The following DENND1B variants were observed in gnomAD, a reference collection of about 807,000 sequenced individuals.
DENND1B encodes DENN domain containing 1B.
Under a neutral mutation model 90.1 loss-of-function variants are expected in DENND1B, and 59 were observed. The ratio of observed to expected loss-of-function variants is 0.65; its 90% confidence interval spans 0.53 to 0.81. The LOEUF (loss-of-function observed/expected upper bound fraction) is 0.81. Among genes scored for constraint, DENND1B ranks in the 40% least tolerant of loss-of-function variants. The pLI, the probability that DENND1B is intolerant of heterozygous loss-of-function variation, is 0.00. For missense variants in DENND1B, 862 were observed against 912.6 expected, an observed-to-expected ratio of 0.94 and a Z score of 0.71; for synonymous variants, 337 against 324.6, an observed-to-expected ratio of 1.04 and a Z score of -0.41.
chr1:197,556,444 TAA>T (rs1342970533), intron 15 of DENND1B, among the ~76,000 whole-genome samples: 1 of 152,040 alleles, frequency 6.6e-6, no homozygotes, highest in Non-Finnish European at 1.5e-5. Context: ...AAAACTGTGG[TAA>T]GACAGGTTTA....
chr1:197,513,545 T>G (rs2125595980), intron 20 of DENND1B, among the ~76,000 whole-genome samples: 1 of 151,678 alleles, frequency 6.6e-6, no homozygotes, highest in South Asian at 2.1e-4. Context: ...TTTGAATCAT[T>G]AAGTTTTTGA....
intron 20 of DENND1B, among the ~76,000 whole-genome samples, chr1:197,538,135 C>T (rs1670052986): frequency 6.6e-6 from 1 of 152,032 alleles, no homozygotes; most frequent in South Asian, 2.1e-4. Context: ...TGTTTTTTTA[C>T]ATCTTAAAGT....
At chr1:197,551,481 C>T (rs574639309) in intron 16 of DENND1B, among the ~76,000 whole-genome samples, 3 of 152,100 alleles carry the variant, frequency 2.0e-5, no homozygotes, top group South Asian at 2.1e-4. Context: ...AGATACTTAT[C>T]GGTAATCATA....
upstream of DENND1B, among the ~76,000 whole-genome samples, chr1:197,778,347 C>T (rs759626042): frequency 1.3e-5 from 2 of 152,100 alleles, no homozygotes; most frequent in East Asian, 3.9e-4. Flanking sequence ...GCTCTTACAT[C>T]AAACCCCTAG....
At chr1:197,705,315 G>T (rs1268866986) in intron 3 of DENND1B, among the ~76,000 whole-genome samples, 2 of 152,098 alleles carry the variant, frequency 1.3e-5, no homozygotes, top group African/African-American at 4.8e-5. Context: ...GATGTAAAAT[G>T]ACATAGATAC....
intron 3 of DENND1B, chr1:197,685,549 TG>T (rs1558400415): frequency 6.6e-6 from 1 of 152,204 alleles, no homozygotes; most frequent in African/African-American, 2.4e-5. Flanking sequence ...ATCCTAATTA[TG>T]TTCTGTATTT....
At chr1:197,545,069 G>GAAA (rs1558223023) in intron 18 of DENND1B, among the ~76,000 whole-genome samples, 1 of 130,698 alleles carries the variant, frequency 7.7e-6, no homozygotes, top group African/African-American at 2.9e-5. Context: ...AGAAGAAGAA[G>GAAA]AATTCCAAGA....
chr1:197,650,556 A>C (rs770388759), intron 7 of DENND1B, among the ~76,000 whole-genome samples: 1 of 152,246 alleles, frequency 6.6e-6, no homozygotes, highest in East Asian at 1.9e-4. Flanking sequence ...TGAAAAACAT[A>C]CTTGCACACA....
chr1:197,744,848 T>G (rs1457944548), intron 2 of DENND1B, among the ~76,000 whole-genome samples: 5 of 152,236 alleles, frequency 3.3e-5, no homozygotes, highest in Admixed American at 1.3e-4. Flanking sequence ...TGTAGCCACC[T>G]TCATCAATGA....
chr1:197,539,504 AAAG>A lies in DENND1B; in HGVS notation c.1515+457_1515+459del, dbSNP rs145431334. On this transcript the variant is annotated intron_variant, in intron 20 of 22. Coordinates refer to ENST00000620048, the MANE Select transcript of DENND1B (RefSeq NM_001195215.2). ...TATTTTAAGTAGCATCAGCATATAA[AAAG>A]AAGCTTTAACTATTTATAGCAAATA... Among the ~76,000 whole-genome samples the A allele has an allele frequency of 6.7e-4, 102 of 152,366 alleles. No homozygotes were observed. The East Asian group carries it at 0.02, about 29-fold the overall frequency.
chr1:197,505,573 T>C lies in DENND1B; in HGVS notation c.*4887A>G, dbSNP rs1667692304. ...TTAACATTGCTCTTCAGTACCTTGC[T>C]TTATTATTATTTTTTTGGTATGTCT... On this transcript the variant is annotated 3_prime_UTR_variant, in exon 23 of 23. Coordinates refer to ENST00000620048, the MANE Select transcript of DENND1B (RefSeq NM_001195215.2). The C allele has an allele frequency of 6.6e-6, 1 of 151,632 alleles. No individual in the cohort carries two copies. The highest frequency in any genetic ancestry group is 1.5e-5 in the Non-Finnish European group (1 of 67,724). 9.4% of individuals were successfully genotyped at this position (151,632 alleles called of 1,614,324 possible). A position where few individuals can be genotyped will look rare whatever the true frequency, so the allele number is the denominator to read the frequency against.
chr1:197,745,412 T>C (rs1663621552), intron 2 of DENND1B, among the ~76,000 whole-genome samples: 1 of 152,174 alleles, frequency 6.6e-6, no homozygotes, highest in East Asian at 1.9e-4. Flanking sequence ...CTAATTTCAA[T>C]GTTGTTGTGT....
chr1:197,599,691 T>C (rs1676026174), intron 13 of DENND1B, among the ~76,000 whole-genome samples: 1 of 151,810 alleles, frequency 6.6e-6, no homozygotes, highest in South Asian at 2.1e-4. Context: ...AAATTAACAC[T>C]TCTCTCTTAA....
At chr1:197,651,589 A>G (rs557130908) in intron 7 of DENND1B, among the ~76,000 whole-genome samples, 18 of 150,748 alleles carry the variant, frequency 1.2e-4, no homozygotes, top group African/African-American at 4.4e-4. Context: ...GAGGGTTATT[A>G]AGCATGTGTG....
chr1:197,770,705 A>AAT (rs1553350377), intron 2 of DENND1B, among the ~76,000 whole-genome samples: 46 of 140,058 alleles, frequency 3.3e-4, no homozygotes, highest in African/African-American at 1.2e-3. Context: ...TATATCTATA[A>AAT]ATATATAAAT....
Position 197,510,990 on chromosome 1 carries a change from C to T in DENND1B, c.1816-18G>A. 6.8e-7 allele frequency: 1 copy of T among 1,477,712 alleles called. No homozygotes were observed. Among genetic ancestry groups the T allele is most frequent in the Middle Eastern group, 1.8e-4 (1 of 5,476 alleles). 91.5% of individuals were successfully genotyped at this position (1,477,712 alleles called of 1,614,324 possible). ...GATTTATTCTGAAAAAAAGAAGAAACAACAAACTCAGAAAACTTTTAATAA... is the reference window on the plus strand; with the variant it reads ...GATTTATTCTGAAAAAAAGAAGAAATAACAAACTCAGAAAACTTTTAATAA... On this transcript the variant is annotated intron_variant, in intron 22 of 22. Transcript: ENST00000620048.
At chr1:197,731,934 A>G (rs1410032919) in intron 2 of DENND1B, among the ~76,000 whole-genome samples, 1 of 152,164 alleles carries the variant, frequency 6.6e-6, no homozygotes, top group Non-Finnish European at 1.5e-5. Flanking sequence ...AGTGGAGATT[A>G]CATATATTCA....
intron 2 of DENND1B, among the ~76,000 whole-genome samples, chr1:197,761,204 T>G: frequency 6.6e-6 from 1 of 152,134 alleles, no homozygotes; most frequent in Non-Finnish European, 1.5e-5. Context: ...GACATTATTT[T>G]CTAAAAACCA....
chr1:197,575,421 G>A (rs1301457152), intron 15 of DENND1B, among the ~76,000 whole-genome samples: 1 of 152,040 alleles, frequency 6.6e-6, no homozygotes, highest in East Asian at 1.9e-4. Flanking sequence ...TCATTAAAAA[G>A]GTAAGAAACA....
Sources: allele counts gnomAD v4.1 joint callset (sites outside exome capture counted in the v4.1 genomes callset), GRCh38; gene constraint gnomAD v4.1.1; transcripts MANE v1.5; gene names NCBI Gene and HGNC (gene_info 2026-07-23, HGNC 2026-07-21).